The following AGBL4 variants were observed in gnomAD, a reference collection of about 807,000 sequenced individuals.
The protein encoded by AGBL4 is cytosolic carboxypeptidase 6.
Under a neutral mutation model 66.4 loss-of-function variants are expected in AGBL4, and 58 were observed. The observed-to-expected ratio is 0.87, with a 90% CI of 0.71 to 1.09. AGBL4 has a LOEUF of 1.09. AGBL4 is among the 50% of genes least tolerant of loss of function. The probability of loss-of-function intolerance (pLI) is 0.00; values close to 1 mark genes in which losing one functional copy is unlikely to be tolerated. For synonymous variants in AGBL4, 234 were observed against 222.9 expected, an observed-to-expected ratio of 1.05 and a Z score of -0.44; for missense variants, 579 against 631.0, an observed-to-expected ratio of 0.92 and a Z score of 0.88.
chr1:49,107,495 A>T (rs1047726181), intron 4 of AGBL4, among the ~76,000 whole-genome samples: 2 of 152,196 alleles, frequency 1.3e-5, no homozygotes, highest in Non-Finnish European at 2.9e-5. Flanking sequence ...AAATGGTTAA[A>T]GATGTCTTAA....
intron 4 of AGBL4, among the ~76,000 whole-genome samples, chr1:49,203,678 C>A (rs948844202): frequency 6.6e-6 from 1 of 152,164 alleles, no homozygotes; most frequent in Non-Finnish European, 1.5e-5. Flanking sequence ...GTGGCCCATG[C>A]CTGTAATCCC....
intron 3 of AGBL4, among the ~76,000 whole-genome samples, chr1:49,478,917 G>A (rs1041115393): frequency 2.0e-5 from 3 of 151,906 alleles, no homozygotes; most frequent in African/African-American, 7.2e-5. Context: ...GTTGTTATCG[G>A]CTTATAATAA....
intron 1 of AGBL4, among the ~76,000 whole-genome samples, chr1:49,880,860 T>G (rs897289484): frequency 8.7e-4 from 132 of 152,058 alleles, no homozygotes; most frequent in African/African-American, 3.1e-3. Flanking sequence ...TATAGTCTCG[T>G]GGTGCGCCGT....
At chr1:48,608,765 C>T (rs1645191656) in intron 9 of AGBL4, among the ~76,000 whole-genome samples, 1 of 151,944 alleles carries the variant, frequency 6.6e-6, no homozygotes, top group South Asian at 2.1e-4. Flanking sequence ...TTATAAACTC[C>T]CTCTTTCACC....
chr1:49,221,704 G>T (rs1649509440), intron 4 of AGBL4, among the ~76,000 whole-genome samples: 1 of 151,572 alleles, frequency 6.6e-6, no homozygotes, highest in South Asian at 2.1e-4. Context: ...TTTTTTCTTT[G>T]AAAGAGAATT....
intron 2 of AGBL4, among the ~76,000 whole-genome samples, chr1:49,787,271 G>A (rs1644477634): frequency 6.6e-6 from 1 of 152,168 alleles, no homozygotes; most frequent in Non-Finnish European, 1.5e-5. Flanking sequence ...GGGAGGCGGA[G>A]GCAGGTGGAT....
chr1:49,406,892 C>T (rs1368655131), intron 3 of AGBL4, among the ~76,000 whole-genome samples: 3 of 151,568 alleles, frequency 2.0e-5, no homozygotes, highest in Non-Finnish European at 4.4e-5. Context: ...GGTGAAACCC[C>T]GTCTGTATTA....
At chr1:48,658,045 C>T (rs555921411) in intron 7 of AGBL4, among the ~76,000 whole-genome samples, 4 of 152,160 alleles carry the variant, frequency 2.6e-5, no homozygotes, top group Admixed American at 6.5e-5. Context: ...AAATAAAGAT[C>T]GACCCATGAC....
At chr1:49,945,871 T>C (rs1209459257) in intron 1 of AGBL4, among the ~76,000 whole-genome samples, 1 of 151,954 alleles carries the variant, frequency 6.6e-6, no homozygotes, top group East Asian at 1.9e-4. Context: ...GAAAAAGACA[T>C]TCCAAGCAAA....
At chr1:49,821,256 C>T (rs552888495) in intron 2 of AGBL4, among the ~76,000 whole-genome samples, 3 of 152,226 alleles carry the variant, frequency 2.0e-5, no homozygotes, top group Admixed American at 6.5e-5. Context: ...ATTCAATATT[C>T]AAAATGTATC....
chr1:48,798,288 T>A (rs1469296162), intron 6 of AGBL4, among the ~76,000 whole-genome samples: 1 of 152,214 alleles, frequency 6.6e-6, no homozygotes, highest in African/African-American at 2.4e-5. Flanking sequence ...TTGAGAATTG[T>A]CTATTCATGT....
rs563522758 is a variant in AGBL4 at position 49,221,724 on chromosome 1, A to T, written c.377+24046T>A. Among the ~76,000 whole-genome samples, 17 of 152,146 alleles carry T rather than the reference A, an allele frequency of 1.1e-4. No homozygotes were observed. The South Asian group carries it at 3.5e-3, about 32-fold the overall frequency. On this transcript the variant is annotated intron_variant, in intron 4 of 13. Coordinates refer to ENST00000371839, the MANE Select transcript of AGBL4 (RefSeq NM_032785.4). ...TCTTTGAAAGAGAATTTTGTCTTAC[A>T]GTCAACACAGTATTTCCTTTTGTCC...
intron 9 of AGBL4, 133 bp downstream of exon 9, chr1:48,634,360 C>T: frequency 1.6e-6 from 1 of 626,544 alleles, no homozygotes; most frequent in Non-Finnish European, 2.8e-6. Flanking sequence ...CAGAGAAGAG[C>T]AGGCCTAGTG....
intron 2 of AGBL4, among the ~76,000 whole-genome samples, chr1:49,830,308 T>TA (rs140188572): frequency 0.067 from 10,248 of 152,270 alleles, 1,075 homozygotes; most frequent in African/African-American, 0.22. Context: ...ATCACCATTC[T>TA]AACTGCCATG....
intron 3 of AGBL4, among the ~76,000 whole-genome samples, chr1:49,619,350 C>T (rs944195464): frequency 2.0e-5 from 3 of 152,046 alleles, no homozygotes; most frequent in Admixed American, 6.6e-5. Flanking sequence ...GCCAAATCAT[C>T]AGTGAACTCC....
chr1:49,307,900 T>C (rs1249411683), intron 3 of AGBL4, among the ~76,000 whole-genome samples: 1 of 152,176 alleles, frequency 6.6e-6, no homozygotes, highest in Non-Finnish European at 1.5e-5. Flanking sequence ...CAGTTTGGAT[T>C]TGTGTCCCCA....
chr1:49,509,459 C>T (rs531628953), intron 3 of AGBL4, among the ~76,000 whole-genome samples: 9 of 151,806 alleles, frequency 5.9e-5, no homozygotes, highest in South Asian at 2.1e-4. Context: ...GCTATTTAAT[C>T]GGAGACCTGG....
intron 6 of AGBL4, chr1:48,776,567 C>A: frequency 6.6e-6 from 9 of 1,357,822 alleles, no homozygotes; most frequent in South Asian, 1.7e-5. Context: ...TCCCAGCCCC[C>A]GCCCGGGTCC....
At chr1:49,342,472 T>C (rs563870117) in intron 3 of AGBL4, among the ~76,000 whole-genome samples, 23 of 152,194 alleles carry the variant, frequency 1.5e-4, no homozygotes, top group Non-Finnish European at 3.1e-4. Flanking sequence ...TTTTGTTTTA[T>C]GTCTTTGGGA....
Sources: gnomAD v4.1 joint callset for allele counts (sites outside exome capture counted in the v4.1 genomes callset) on GRCh38, gnomAD v4.1.1 for gene constraint, MANE v1.5 for transcripts, NCBI Gene and HGNC (gene_info 2026-07-23, HGNC 2026-07-21) for gene names.